TMEM165: variants seen among roughly 807,000 people sequenced by gnomAD.
TMEM165 encodes the protein transmembrane protein 165.
A neutral mutation model predicts 30.0 loss-of-function variants in TMEM165; 19 were observed. The ratio of observed to expected loss-of-function variants is 0.63; its 90% CI spans 0.44 to 0.93. The LOEUF is 0.93. Among genes scored for constraint, TMEM165 ranks in the 40% least tolerant of loss-of-function variants. TMEM165 has a pLI of 0.00. For synonymous variants in TMEM165, 168 were observed against 162.9 expected (o/e 1.03, Z -0.24); for missense variants, 340 against 417.0 (o/e 0.82, Z 1.61).
chr4:55,397,643 C>G (rs576275173), intron 1 of TMEM165, among the ~76,000 whole-genome samples: 56 of 151,806 alleles, frequency 3.7e-4, no homozygotes, highest in African/African-American at 1.3e-3. Context: ...TTCCTTTCCT[C>G]TCCTTTCTCC....
rs1491256095 is a variant in TMEM165 at position 55,400,436 on chromosome 4, A to AAT, written c.207+4048_207+4049dup. On this transcript the variant is annotated intron_variant, in intron 1 of 5. Coordinates refer to ENST00000381334, the MANE Select transcript of TMEM165 (RefSeq NM_018475.5). Reference sequence around the variant, plus strand: ...TATTTATATTAAAATATAAAAATATAATATATATAATATATATATATTTTT... The same window carrying AAT: ...TATTTATATTAAAATATAAAAATATAATATATATATAATATATATATATTTTT... 5.2e-5 allele frequency among the ~76,000 whole-genome samples: 7 copies of AAT among 134,614 alleles called. No individual in the cohort carries two copies. The South Asian group carries it at 1.3e-3, about 25-fold the overall frequency. 88.3% of individuals were successfully genotyped at this position (134,614 alleles called of 152,430 possible). A position where few individuals can be genotyped will look rare whatever the true frequency, so the allele number is the denominator to read the frequency against.
At chr4:55,406,504 C>T (rs764459384) in intron 1 of TMEM165, among the ~76,000 whole-genome samples, 20 of 152,186 alleles carry the variant, frequency 1.3e-4, no homozygotes, top group Non-Finnish European at 2.4e-4. Context: ...TGTACACATA[C>T]TTAGTATATA....
At position 55,417,828 on chromosome 4, in the gene TMEM165, G is replaced by C. The variant is rs755306739; in HGVS notation, c.635G>C (p.Gly212Ala). ...EEFQRTKLLNGPGDVETGTSI... is the reference protein window; with the variant it reads ...EEFQRTKLLNAPGDVETGTSI... The stretch of plus-strand genomic sequence containing the variant: ...TTTCAACGAACCAAACTTTTAAATG[G>C]ACCGGGAGATGTTGAAACGGGTACA... Residue 212 changes from glycine (G) to alanine (A), a missense_variant, in exon 4 of 6, where the codon GGA becomes GCA. Transcript: ENST00000381334. 21 of 1,610,624 alleles carry C rather than the reference G, an allele frequency of 1.3e-5. No homozygotes were observed. In the South Asian group the frequency reaches 2.3e-4, roughly 18 times the overall value.
chr4:55,450,952 C>A (rs74327481), intron 3 of TMEM165, among the ~76,000 whole-genome samples: 1 of 151,826 alleles, frequency 6.6e-6, no homozygotes, highest in Non-Finnish European at 1.5e-5. Context: ...TTTCATACAG[C>A]GACACTAATC....
intron 2 of TMEM165, 179 bp downstream of exon 2, chr4:55,412,018 C>A (rs905243253): frequency 4.6e-6 from 3 of 653,608 alleles, no homozygotes; most frequent in Non-Finnish European, 8.1e-6. Context: ...TAATTTTGTA[C>A]CCCCTCTCGC....
chr4:55,396,429 C>G (rs1720730461), intron 1 of TMEM165, 33 bp downstream of exon 1: 1 of 1,396,734 alleles, frequency 7.2e-7, no homozygotes, highest in South Asian at 1.6e-5. Flanking sequence ...AGCGAGGCTG[C>G]AGGGCCGGCT....
chr4:55,444,683 GTTC>G, intron 3 of TMEM165: 2 of 1,614,054 alleles, frequency 1.2e-6, no homozygotes, highest in Non-Finnish European at 1.7e-6. Flanking sequence ...ATTTTTCTTA[GTTC>G]TTCTTGTTGC....
At chr4:55,400,783 C>T (rs1720968113) in intron 1 of TMEM165, among the ~76,000 whole-genome samples, 1 of 150,264 alleles carries the variant, frequency 6.7e-6, no homozygotes, top group Non-Finnish European at 1.5e-5. Context: ...AGTATTTTTT[C>T]CTCTACGGTA....
downstream of TMEM165, among the ~76,000 whole-genome samples, chr4:55,427,055 A>T (rs1181244377): frequency 4.5e-5 from 5 of 111,452 alleles, no homozygotes; most frequent in East Asian, 3.3e-4. Flanking sequence ...TTTTTTTTTG[A>T]GAGAGTCTCA....
chr4:55,405,189 CAGAT>C (rs1721222661), intron 1 of TMEM165, among the ~76,000 whole-genome samples: 1 of 152,088 alleles, frequency 6.6e-6, no homozygotes, highest in South Asian at 2.1e-4. Context: ...TGCCAGCAAC[CAGAT>C]AGAGTACGTC....
chr4:55,426,494 G>A (rs1013590008), downstream of TMEM165, among the ~76,000 whole-genome samples: 41 of 152,246 alleles, frequency 2.7e-4, no homozygotes, highest in Admixed American at 7.8e-4. Flanking sequence ...CGTCACCCTC[G>A]TTTGAGTATA....
At chr4:55,448,959 T>A in intron 3 of TMEM165, 1 of 1,026,698 alleles carries the variant, frequency 9.7e-7, no homozygotes, top group Non-Finnish European at 1.5e-6. Flanking sequence ...TTCGTATTAA[T>A]AAACTTACCA....
At chr4:55,444,534 G>GT (rs1723635264) in intron 3 of TMEM165, 18 of 1,378,654 alleles carry the variant, frequency 1.3e-5, no homozygotes, top group South Asian at 2.3e-5. Context: ...TTGATAAAAC[G>GT]TATCTCTTGC....
Position 55,438,570 on chromosome 4 carries a change from C to G in TMEM165, c.409-13669C>G, listed in dbSNP as rs1387146469. 1.9e-6 allele frequency: 3 copies of G among 1,612,080 alleles called. No individual in the cohort carries two copies. The Admixed American group carries it at 5.0e-5, about 27-fold the overall frequency. On this transcript the variant is annotated intron_variant, in intron 3 of 3. Transcript: ENST00000608091. ...AAGAAAGAAGGAAAAAAATTGGAGTCCAAAGTACAAGGTATACATCATAAA... is the reference window on the plus strand; with the variant it reads ...AAGAAAGAAGGAAAAAAATTGGAGTGCAAAGTACAAGGTATACATCATAAA...
chr4:55,449,820 A>T (rs1724259592), intron 3 of TMEM165, among the ~76,000 whole-genome samples: 1 of 150,996 alleles, frequency 6.6e-6, no homozygotes. Flanking sequence ...CAGTAAAAAA[A>T]CACAATAAAT....
intron 1 of TMEM165, among the ~76,000 whole-genome samples, chr4:55,408,306 TTAA>T (rs1377906934): frequency 1.3e-5 from 2 of 152,176 alleles, no homozygotes; most frequent in African/African-American, 4.8e-5. Flanking sequence ...GTAGCATCGC[TTAA>T]TGATGGGGAT....
At chr4:55,407,348 C>T (rs1721311279) in intron 1 of TMEM165, among the ~76,000 whole-genome samples, 1 of 152,138 alleles carries the variant, frequency 6.6e-6, no homozygotes, top group Non-Finnish European at 1.5e-5. Context: ...GCTGTGAGCA[C>T]TTGATATGTG....
At chr4:55,442,637 G>C in intron 3 of TMEM165, 4 of 1,612,008 alleles carry the variant, frequency 2.5e-6, no homozygotes, top group Non-Finnish European at 3.4e-6. Context: ...TGTTGACTCT[G>C]TTAAAAATAA....
In TMEM165 at chr4:55,417,927, T is replaced by C. The variant is rs755400516; in HGVS notation, c.734T>C (p.Phe245Ser). 5 of 1,614,060 alleles carry C rather than the reference T, an allele frequency of 3.1e-6. No individual in the cohort carries two copies. Among genetic ancestry groups the C allele is most frequent in the Non-Finnish European group, 4.2e-6 (5 of 1,180,006 alleles). Residue 245 changes from phenylalanine to serine, a missense_variant, in exon 4 of 6, where the codon TTC (phenylalanine) becomes TCC (serine). Physicochemically the swap from Phe to Ser is radical, Grantham distance 155. Around this residue, in one of 2 missense-constraint regions of TMEM165, gnomAD observed 220 missense variants for 307.6 expected, o/e 0.72. Coordinates refer to ENST00000381334, the MANE Select transcript of TMEM165 (RefSeq NM_018475.5). The part of the protein sequence containing the change: ...PIFVQALTLT[F>S]LAEWGDRSQL... ...TTTGTTCAAGCTCTTACATTAACAT[T>C]CTTAGCAGAATGGGGTGATCGCTCT... is the stretch of plus-strand genomic sequence containing the variant.
Sources: gnomAD v4.1 joint callset for allele counts (sites outside exome capture counted in the v4.1 genomes callset) on GRCh38, gnomAD v4.1.1 for gene constraint, gnomAD v4.1.1 regional missense constraint, MANE v1.5 for transcripts, NCBI Gene and HGNC (gene_info 2026-07-23, HGNC 2026-07-21) for gene names.